The following POLR1B variants were observed in gnomAD, a reference collection of about 807,000 sequenced individuals.
POLR1B encodes DNA-directed RNA polymerase I subunit RPA2.
A neutral mutation model predicts 105.8 loss-of-function variants in POLR1B; 30 were observed. That is an observed-to-expected ratio of 0.28 (90% CI 0.21 to 0.38). The LOEUF (loss-of-function observed/expected upper bound fraction) is 0.38, where lower values mean the gene tolerates loss of function less well. Among genes scored for constraint, POLR1B ranks in the 10% least tolerant of loss-of-function variants. POLR1B has a pLI of 1.00. For missense variants in POLR1B, 976 were observed against 1,435.8 expected (o/e 0.68, Z 5.17); for synonymous variants, 485 against 505.1 (o/e 0.96, Z 0.53).
chr2:112,552,040 GC>G (rs773860863), intron 6 of POLR1B, 42 bp downstream of exon 6: 1 of 1,511,014 alleles, frequency 6.6e-7, no homozygotes, highest in Admixed American at 1.7e-5. Context: ...GGGGCGGAGG[GC>G]TGTCAGTGGT....
rs1397137212 is a variant in POLR1B at position 112,578,591 on chromosome 2, TG to T, written c.*2864del. ...GTTTAACCATTCACCTTGAACATTT[TG>T]GTTGTTTCCAGTTTGGGGGCATTAA... is the stretch of plus-strand genomic sequence containing the variant. On this transcript the variant is annotated 3_prime_UTR_variant, in exon 15 of 15. Coordinates refer to ENST00000263331, the MANE Select transcript of POLR1B (RefSeq NM_019014.6). 6.6e-6 allele frequency among the ~76,000 whole-genome samples: 1 copy of T among 152,208 alleles called. No individual in the cohort carries two copies. Among genetic ancestry groups the T allele is most frequent in the East Asian group, 1.9e-4 (1 of 5,198 alleles).
At chr2:112,545,865 C>T (rs527308614) in intron 1 of POLR1B, 3 of 333,426 alleles carry the variant, frequency 9.0e-6, no homozygotes, top group South Asian at 4.7e-5. Flanking sequence ...AGCCTGGTCT[C>T]AAACTCCTGA....
chr2:112,570,432 C>T (rs1332136941), intron 12 of POLR1B, among the ~76,000 whole-genome samples: 1 of 152,166 alleles, frequency 6.6e-6, no homozygotes, highest in Non-Finnish European at 1.5e-5. Flanking sequence ...GTCATGTGCC[C>T]TTAACGACAG....
chr2:112,550,313 A>AGCAC (rs1170714598), intron 4 of POLR1B, among the ~76,000 whole-genome samples: 2 of 152,236 alleles, frequency 1.3e-5, no homozygotes, highest in African/African-American at 4.8e-5. Context: ...TGCCTAAGAC[A>AGCAC]GCATGTTGTA....
chr2:112,576,163 C>T lies in POLR1B; in HGVS notation c.*434C>T, dbSNP rs1227866714. 6.1e-6 allele frequency: 1 copy of T among 163,620 alleles called. No homozygotes were observed. The highest frequency in any genetic ancestry group is 2.4e-5 in the African/African-American group (1 of 41,500). The allele number at this position is 163,620 out of a possible 1,614,324, so 10.1% of individuals were successfully genotyped here. ...ACGTTGAAGTAAAAACAAACAGGTA[C>T]AGTGTTTTTTACCAGCTTTATAGAA... On this transcript the variant is annotated 3_prime_UTR_variant, in exon 15 of 15. Transcript: ENST00000263331.
Position 112,558,087 on chromosome 2 carries a change from A to G in POLR1B, c.1330+6A>G. ...GAATCTGCGTTCTAAAACAGGTAAA[A>G]TTAAATCGATCGTTTTAGTTATGTT... On this transcript the variant is annotated splice_donor_region_variant and intron_variant, in intron 8 of 14. Transcript: ENST00000263331. The G allele has an allele frequency of 1.5e-6, 2 of 1,323,166 alleles. No individual in the cohort carries two copies. Among genetic ancestry groups the G allele is most frequent in the Non-Finnish European group, 9.8e-7 (1 of 1,025,562 alleles). 82.0% of individuals were successfully genotyped at this position (1,323,166 alleles called of 1,614,324 possible). A position where few individuals can be genotyped will look rare whatever the true frequency, so the allele number is the denominator to read the frequency against.
At chr2:112,542,064 G>T (rs575710889), upstream of POLR1B, 4 of 1,516,702 alleles carry the variant, frequency 2.6e-6, no homozygotes, top group African/African-American at 4.1e-5. Context: ...CCCCAGGGTC[G>T]GCATCAGCGT....
At chr2:112,557,724 G>GCCCCAC (rs1221427512) in intron 7 of POLR1B, among the ~76,000 whole-genome samples, 186 bp from the exon 8 acceptor site, 8 of 150,634 alleles carry the variant, frequency 5.3e-5, no homozygotes, top group African/African-American at 1.7e-4. Flanking sequence ...CTACAGGCAC[G>GCCCCAC]CCCCACCCCC....
chr2:112,545,406 C>G (rs1426440407), intron 1 of POLR1B, among the ~76,000 whole-genome samples: 1 of 152,092 alleles, frequency 6.6e-6, no homozygotes, highest in Non-Finnish European at 1.5e-5. Flanking sequence ...TAAACAGAAA[C>G]ACACATAATA....
At chr2:112,550,338 T>G (rs922561576) in intron 4 of POLR1B, among the ~76,000 whole-genome samples, 3 of 152,250 alleles carry the variant, frequency 2.0e-5, no homozygotes, top group African/African-American at 4.8e-5. Context: ...TGAGCAACCC[T>G]GACAGTTAAA....
intron 13 of POLR1B, among the ~76,000 whole-genome samples, 176 bp from the exon 14 acceptor site, chr2:112,573,385 GA>G (rs1378058941): frequency 3.9e-5 from 6 of 152,230 alleles, no homozygotes; most frequent in Non-Finnish European, 2.9e-5. Flanking sequence ...TTACAGGCGT[GA>G]GCCACCGTGC....
Position 112,575,750 on chromosome 2 carries a change from T to A in POLR1B, c.*21T>A. 6.3e-7 allele frequency: 1 copy of A among 1,594,796 alleles called. No homozygotes were observed. Among genetic ancestry groups the A allele is most frequent in the Non-Finnish European group, 8.5e-7 (1 of 1,170,642 alleles). On this transcript the variant is annotated 3_prime_UTR_variant, in exon 15 of 15. Transcript: ENST00000263331. The surrounding 1 kb of genome is among the most constrained non-coding windows in gnomAD (Gnocchi z 5.3). The stretch of plus-strand genomic sequence containing the variant: ...TTTAACTTGATGTTGACCTTTTGGA[T>A]TAAGAGGACTATCAGATTAAAGCAA...
At chr2:112,554,119 T>C (rs891835456) in intron 7 of POLR1B, among the ~76,000 whole-genome samples, 10 of 148,640 alleles carry the variant, frequency 6.7e-5, no homozygotes, top group Non-Finnish European at 3.0e-5. Context: ...TGAGCCACTG[T>C]GCCTGGCTTC....
intron 1 of POLR1B, among the ~76,000 whole-genome samples, chr2:112,545,363 G>A (rs531288810): frequency 2.6e-5 from 4 of 152,144 alleles, no homozygotes; most frequent in East Asian, 3.9e-4. Context: ...CATGAGTTAC[G>A]GACTCAATAA....
rs199894902 is a variant in POLR1B at position 112,547,090 on chromosome 2, A to G, written c.256A>G (p.Thr86Ala). The change falls in exon 2 of 15, where the codon ACA becomes GCA. Residue 86 changes from threonine (T) to alanine (A), a missense_variant. Thr to Ala is a moderately conservative substitution (Grantham distance 58). Transcript: ENST00000263331. ...TILDAVISPP[T>A]VPKGTICKEA... ...TCTGGATGCTGTTATCAGTCCACCTACAGTTCCAAAAGGGACCATCTGCAA... is the reference window on the plus strand; with the variant it reads ...TCTGGATGCTGTTATCAGTCCACCTGCAGTTCCAAAAGGGACCATCTGCAA... 7 of 1,614,204 alleles carry G rather than the reference A, an allele frequency of 4.3e-6. No individual in the cohort carries two copies. The East Asian group carries it at 1.3e-4, about 31-fold the overall frequency.
intron 10 of POLR1B, among the ~76,000 whole-genome samples, chr2:112,565,303 AC>A (rs1450107079): frequency 6.6e-6 from 1 of 152,208 alleles, no homozygotes; most frequent in East Asian, 1.9e-4. Context: ...ACCCAAATCC[AC>A]CAGTTGCTAT....
In POLR1B at chr2:112,542,512, G is replaced by T. The variant is rs775670096; in HGVS notation, c.18G>T (p.Arg6=). Residue 6 remains arginine (R), a synonymous_variant, in exon 1 of 15, where the codon CGG becomes CGT. Coordinates refer to ENST00000263331, the MANE Select transcript of POLR1B (RefSeq NM_019014.6). MDPGS[R]WRNLPSGPSL... is the part of the protein sequence containing the mutation. ...GTGGCCACATGGATCCTGGCAGCCG[G>T]TGGCGGAACCTGCCCAGCGGGCCTA... The T allele has an allele frequency of 6.2e-7, 1 of 1,614,012 alleles. No individual in the cohort carries two copies. Among genetic ancestry groups the T allele is most frequent in the South Asian group, 1.1e-5 (1 of 91,084 alleles).
intron 9 of POLR1B, among the ~76,000 whole-genome samples, chr2:112,559,960 G>T (rs992822489): frequency 1.3e-5 from 2 of 152,102 alleles, no homozygotes; most frequent in African/African-American, 4.8e-5. Flanking sequence ...CTGTTAAGTT[G>T]TGCTGCTTTT....
At chr2:112,562,145 G>A (rs201277731) in intron 9 of POLR1B, among the ~76,000 whole-genome samples, 3 of 152,086 alleles carry the variant, frequency 2.0e-5, no homozygotes, top group South Asian at 2.1e-4. Context: ...CATCTGCATC[G>A]GGGGACTCAA....
Sources: allele counts gnomAD v4.1 joint callset (sites outside exome capture counted in the v4.1 genomes callset), GRCh38; gene constraint gnomAD v4.1.1; non-coding constraint Gnocchi (gnomAD v3.1); transcripts MANE v1.5; gene names NCBI Gene and HGNC (gene_info 2026-07-23, HGNC 2026-07-21).